The following MAGEL2 variants were observed in gnomAD, a reference collection of about 807,000 sequenced individuals.
The protein encoded by MAGEL2 is MAGE family member L2.
For missense variants in MAGEL2, 1,830 were observed against 1,699.2 expected, an observed-to-expected ratio of 1.08 and a Z score of -1.35; for synonymous variants, 792 against 721.7, an observed-to-expected ratio of 1.10 and a Z score of -1.56.
rs1890330345 is a variant in MAGEL2, at chr15:23,643,773, C to T, written c.*220G>A. 4.3e-6 allele frequency: 2 copies of T among 467,200 alleles called. No homozygotes were observed. The highest frequency in any genetic ancestry group is 7.8e-5 in the Admixed American group (2 of 25,724). The allele number at this position is 467,200 out of a possible 1,614,324, so 28.9% of individuals were successfully genotyped here. A position where few individuals can be genotyped will look rare whatever the true frequency, so the allele number is the denominator to read the frequency against. ...ACAAAACAGAGAACCACAGATCTCA[C>T]TTAAAAACACAGATGCCAAAATACA... On this transcript the variant is annotated 3_prime_UTR_variant, in exon 1 of 1. Transcript: ENST00000650528.
Position 23,645,104 on chromosome 15 carries a change from C to A in MAGEL2, c.2639G>T (p.Arg880Leu), listed in dbSNP as rs775947264. The A allele has an allele frequency of 6.2e-7, 1 of 1,613,830 alleles. No individual in the cohort carries two copies. Among genetic ancestry groups the A allele is most frequent in the East Asian group, 2.2e-5 (1 of 44,878 alleles). ...EASKTSVEPP[R>L]RSGKATRKKK... ...CTTCCGGGTGGCCTTGCCGGAGCGG[C>A]GTGGCGGCTCGACGGAGGTCTTGGA... Residue 880 changes from arginine (R) to leucine (L), a missense_variant, in exon 1 of 1, where the codon CGC becomes CTC. By Grantham distance (102) the Arg-to-Leu change is moderately radical. Transcript: ENST00000650528.
chr15:23,646,305 G>A lies in MAGEL2; in HGVS notation c.1438C>T (p.Arg480Cys), dbSNP rs1890401496. 5.1e-6 allele frequency: 7 copies of A among 1,370,098 alleles called. No homozygotes were observed. In the South Asian group the frequency reaches 5.4e-5, roughly 11 times the overall value. 84.9% of individuals were successfully genotyped at this position (1,370,098 alleles called of 1,614,324 possible). A position where few individuals can be genotyped will look rare whatever the true frequency, so the allele number is the denominator to read the frequency against. The stretch of plus-strand genomic sequence containing the variant: ...TGGCGGATCACAGGTGGAGCCTGGC[G>A]GATCACAGGTGGGGCCTGGCGGATC... ...PVIRQAPPVI[R>C]QAPPVIRQAP... The change falls in exon 1 of 1, where the codon CGC becomes TGC. Residue 480 changes from arginine (R) to cysteine (C), a missense_variant. Physicochemically the swap from Arg to Cys is radical, Grantham distance 180. Coordinates refer to ENST00000650528, the MANE Select transcript of MAGEL2 (RefSeq NM_019066.5). This position sits in a 1 kb window ranked among gnomAD's most constrained non-coding sequence, Gnocchi z 4.2.
Position 23,644,084 on chromosome 15 carries a change from A to G in MAGEL2, c.3659T>C (p.Leu1220Pro). 2 of 1,613,898 alleles carry G rather than the reference A, an allele frequency of 1.2e-6. No homozygotes were observed. The highest frequency in any genetic ancestry group is 1.7e-6 in the Non-Finnish European group (2 of 1,179,882). ...TGTGTCTTCCCACTCACACTCTGCG[A>G]GCGCTTCAAGGTAATGGAATGGCCA... ...QSWPFHYLEA[L>P]AECEWEDTDE... Residue 1220 changes from leucine to proline, a missense_variant, in exon 1 of 1, where the codon CTC (leucine) becomes CCC (proline). Physicochemically the swap from Leu to Pro is moderately conservative, Grantham distance 98. Transcript: ENST00000650528.
Position 23,645,560 on chromosome 15 carries a change from C to T in MAGEL2, c.2183G>A (p.Arg728His), listed in dbSNP as rs757610654. Residue 728 changes from arginine (R) to histidine (H), a missense_variant, in exon 1 of 1, where the codon CGC becomes CAC. Physicochemically the swap from Arg to His is conservative, Grantham distance 29. Coordinates refer to ENST00000650528, the MANE Select transcript of MAGEL2 (RefSeq NM_019066.5). ...CCTGCGCTCTTTAGAGGAGCCCCTG[C>T]GGTCTATAGAAGAGGCCCTGCATTC... ...SGECRASSID[R>H]RGSSKERRTS... 23 of 1,612,584 alleles carry T rather than the reference C, an allele frequency of 1.4e-5. No individual in the cohort carries two copies. The highest frequency in any genetic ancestry group is 2.2e-5 in the East Asian group (1 of 44,868).
Position 23,644,968 on chromosome 15 carries a change from T to G in MAGEL2, c.2775A>C (p.Gln925His). 2 of 1,613,786 alleles carry G rather than the reference T, an allele frequency of 1.2e-6. No homozygotes were observed. The highest frequency in any genetic ancestry group is 8.5e-7 in the Non-Finnish European group (1 of 1,179,880). ...AGTCACCCGAGACCTGGATAGGGCT[T>G]TGGACCTCCCAGTCACTCAGATTTA... ...ENLNLSDWEV[Q>H]SPIQVSGDWE... Residue 925 changes from glutamine (Q) to histidine (H), a missense_variant, in exon 1 of 1, where the codon CAA becomes CAC. Transcript: ENST00000650528.
chr15:23,646,546 TG>T lies in MAGEL2; in HGVS notation c.1196del (p.Pro399GlnfsTer38). ...GCGGCGGCACCTGCCAGGTAACGGC[TG>T]GTGCCTGCCAGGTGACCTGCGTGGT... ...WQTTQVTWQAPAVTWQVPPPM... is the reference protein window; with the variant it reads ...WQTTQVTWQAXAVTWQVPPPM... On this transcript the variant is annotated frameshift_variant, in exon 1 of 1. Coordinates refer to ENST00000650528, the MANE Select transcript of MAGEL2 (RefSeq NM_019066.5). LOFTEE classifies it low-confidence loss of function (END_TRUNC). This position sits in a 1 kb window ranked among gnomAD's most constrained non-coding sequence, Gnocchi z 4.2. 6.8e-7 allele frequency: 1 copy of T among 1,475,136 alleles called. No homozygotes were observed. The allele number at this position is 1,475,136 out of a possible 1,614,324, so 91.4% of individuals were successfully genotyped here. A position where few individuals can be genotyped will look rare whatever the true frequency, so the allele number is the denominator to read the frequency against.
rs1192285497 is a variant in MAGEL2 at position 23,647,529 on chromosome 15, G to C, written c.214C>G (p.Leu72Val). 1 of 1,531,876 alleles carries C rather than the reference G, an allele frequency of 6.5e-7. No individual in the cohort carries two copies. The highest frequency in any genetic ancestry group is 8.7e-7 in the Non-Finnish European group (1 of 1,145,132). 94.9% of individuals were successfully genotyped at this position (1,531,876 alleles called of 1,614,324 possible). A position where few individuals can be genotyped will look rare whatever the true frequency, so the allele number is the denominator to read the frequency against. The change falls in exon 1 of 1, where the codon CTG becomes GTG. Residue 72 changes from leucine to valine, a missense_variant. Leu to Val is a conservative substitution (Grantham distance 32). Coordinates refer to ENST00000650528, the MANE Select transcript of MAGEL2 (RefSeq NM_019066.5). ...QPAWEAPQGQ[L>V]PAPVVPMTQP... ...GTCATCGGAACCACCGGGGCGGGCA[G>C]CTGGCCCTGTGGGGCCTCCCAGGCA...
Position 23,645,745 on chromosome 15 carries a change from C to T in MAGEL2, c.1998G>A (p.Gln666=). The change falls in exon 1 of 1, where the codon CAG becomes CAA. Residue 666 remains glutamine (Q), a synonymous_variant. Coordinates refer to ENST00000650528, the MANE Select transcript of MAGEL2 (RefSeq NM_019066.5). ...CTTGCGGACCCGATGCCTGGGCCTG[C>T]TGGGGGGGTAGCTGGATTTGCACGG... ...QKAVQIQLPP[Q]QAQASGPQAE... 1 of 1,572,504 alleles carries T rather than the reference C, an allele frequency of 6.4e-7. No homozygotes were observed. The highest frequency in any genetic ancestry group is 1.2e-5 in the South Asian group (1 of 83,774).
At position 23,646,333 on chromosome 15, in the gene MAGEL2, A is replaced by G. The variant is rs1332010353; in HGVS notation, c.1410T>C (p.Pro470=). The G allele has an allele frequency of 1.3e-4, 172 of 1,343,792 alleles. 3 individuals are homozygous for G. The African/African-American group carries it at 2.6e-3, about 20-fold the overall frequency. 83.2% of individuals were successfully genotyped at this position (1,343,792 alleles called of 1,614,324 possible). ...QAPAVIRQAP[P]VIRQAPPVIR... is the part of the protein sequence containing the mutation. ...TCACAGGTGGGGCCTGGCGGATCAC[A>G]GGTGGGGCCTGGCGGATCACAGCGG... is the stretch of plus-strand genomic sequence containing the variant. The change falls in exon 1 of 1, where the codon CCT becomes CCC. Residue 470 remains proline (P), a synonymous_variant. Coordinates refer to ENST00000650528, the MANE Select transcript of MAGEL2 (RefSeq NM_019066.5). The surrounding 1 kb of genome is among the most constrained non-coding windows in gnomAD (Gnocchi z 4.2).
chr15:23,646,790 G>A lies in MAGEL2; in HGVS notation c.953C>T (p.Pro318Leu), dbSNP rs1010497967. Residue 318 changes from proline (P) to leucine (L), a missense_variant, in exon 1 of 1, where the codon CCG (proline) becomes CTG (leucine). Transcript: ENST00000650528. The surrounding 1 kb of genome is among the most constrained non-coding windows in gnomAD (Gnocchi z 4.2). Reference sequence around the variant, plus strand: ...CATCGGCTGTGCAGGTGGGGCCATCGGCTGTGCAGGTGGGGCCGCCGGCTG... The same window carrying A: ...CATCGGCTGTGCAGGTGGGGCCATCAGCTGTGCAGGTGGGGCCGCCGGCTG... ...MAQPAAPPAQ[P>L]MAPPAQPMAS... 1 of 1,535,746 alleles carries A rather than the reference G, an allele frequency of 6.5e-7. No individual in the cohort carries two copies.
At position 23,645,358 on chromosome 15, in the gene MAGEL2, C is replaced by G; in HGVS notation, c.2385G>C (p.Gln795His). Residue 795 changes from glutamine (Q) to histidine (H), a missense_variant, in exon 1 of 1, where the codon CAG (glutamine) becomes CAC (histidine). By Grantham distance (24) the Gln-to-His change is conservative. Transcript: ENST00000650528. ...PSSSVFPATS[Q>H]FQPASLNAFK... ...AGGCATTCAGAGAGGCAGGCTGAAA[C>G]TGGGAGGTAGCTGGGAAGACACTTG... 6.2e-7 allele frequency: 1 copy of G among 1,613,944 alleles called. No homozygotes were observed. The highest frequency in any genetic ancestry group is 8.5e-7 in the Non-Finnish European group (1 of 1,179,860).
chr15:23,647,288 G>C lies in MAGEL2; in HGVS notation c.455C>G (p.Pro152Arg). The change falls in exon 1 of 1, where the codon CCT (proline) becomes CGT (arginine). Residue 152 changes from proline to arginine, a missense_variant. By Grantham distance (103) the Pro-to-Arg change is moderately radical (BLOSUM62 -2). Transcript: ENST00000650528. ...GGCCATTGGGGTCCCCGGAGGGGGAGGGTGGGACATTGGGGTCCCCGGAGG... is the reference window on the plus strand; with the variant it reads ...GGCCATTGGGGTCCCCGGAGGGGGACGGTGGGACATTGGGGTCCCCGGAGG... ...PPPPGTPMSHPPPPGTPMAHP... is the reference protein window; with the variant it reads ...PPPPGTPMSHRPPPGTPMAHP... 1 of 1,535,604 alleles carries C rather than the reference G, an allele frequency of 6.5e-7. No homozygotes were observed. The highest frequency in any genetic ancestry group is 8.7e-7 in the Non-Finnish European group (1 of 1,146,262).
chr15:23,643,640 C>T lies in MAGEL2; in HGVS notation c.*353G>A, dbSNP rs1034418088. The T allele has an allele frequency of 5.1e-6, 1 of 194,214 alleles. No homozygotes were observed. Among genetic ancestry groups the T allele is most frequent in the African/African-American group, 2.3e-5 (1 of 43,064 alleles). The allele number at this position is 194,214 out of a possible 1,614,324, so 12.0% of individuals were successfully genotyped here. On this transcript the variant is annotated 3_prime_UTR_variant, in exon 1 of 1. Coordinates refer to ENST00000650528, the MANE Select transcript of MAGEL2 (RefSeq NM_019066.5). ...ATGAGTCATTTGAACGTTCAAAGAA[C>T]AACCGATTACAATGCTACATGAACT...
At position 23,645,562 on chromosome 15, in the gene MAGEL2, G is replaced by A. The variant is rs368499982; in HGVS notation, c.2181C>T (p.Asp727=). The stretch of plus-strand genomic sequence containing the variant: ...TGCGCTCTTTAGAGGAGCCCCTGCG[G>A]TCTATAGAAGAGGCCCTGCATTCTC... ...PSGECRASSI[D]RRGSSKERRT... is the part of the protein sequence containing the mutation. The change falls in exon 1 of 1, where the codon GAC becomes GAT. Residue 727 remains aspartate (D), a synonymous_variant. Coordinates refer to ENST00000650528, the MANE Select transcript of MAGEL2 (RefSeq NM_019066.5). The A allele has an allele frequency of 5.6e-6, 9 of 1,612,136 alleles. No homozygotes were observed. The highest frequency in any genetic ancestry group is 1.3e-5 in the African/African-American group (1 of 74,968).
Position 23,647,435 on chromosome 15 carries a change from G to A in MAGEL2, c.308C>T (p.Pro103Leu), listed in dbSNP as rs1424112549. 1 of 1,535,900 alleles carries A rather than the reference G, an allele frequency of 6.5e-7. No individual in the cohort carries two copies. The highest frequency in any genetic ancestry group is 2.4e-5 in the East Asian group (1 of 40,878). ...PPLGGPMGKP[P>L]TPGVLMVHPP... ...ATGCACCATCAGGACCCCGGGAGTC[G>A]GAGGCTTACCCATCGGGCCCCCCAG... The change falls in exon 1 of 1, where the codon CCG becomes CTG. Residue 103 changes from proline to leucine, a missense_variant. Transcript: ENST00000650528.
rs1251729902 is a variant in MAGEL2, at chr15:23,646,645, C to T, written c.1098G>A (p.Pro366=). The T allele has an allele frequency of 1.1e-5, 17 of 1,486,634 alleles. No homozygotes were observed. The highest frequency in any genetic ancestry group is 1.5e-5 in the Non-Finnish European group (17 of 1,122,304). The allele number at this position is 1,486,634 out of a possible 1,614,324, so 92.1% of individuals were successfully genotyped here. ...QAPPAQLATP[P]GWQATSPGWQ... Reference sequence around the variant, plus strand: ...ATCCTGGCGAGGTCGCCTGCCAGCCCGGGGGTGTGGCTAGCTGCGCTGGGG... The same window carrying T: ...ATCCTGGCGAGGTCGCCTGCCAGCCTGGGGGTGTGGCTAGCTGCGCTGGGG... Residue 366 remains proline, a synonymous_variant, in exon 1 of 1, where the codon CCG becomes CCA. Transcript: ENST00000650528. The surrounding 1 kb of genome is among the most constrained non-coding windows in gnomAD (Gnocchi z 4.2).
rs762486158 is a variant in MAGEL2 at position 23,644,529 on chromosome 15, C to T, written c.3214G>A (p.Ala1072Thr). 46 of 1,613,696 alleles carry T rather than the reference C, an allele frequency of 2.9e-5. No homozygotes were observed. The highest frequency in any genetic ancestry group is 3.6e-5 in the Non-Finnish European group (42 of 1,179,874). ...ATTTCTTTCAATTGATAACCAAAGG[C>T]ACACTCCAGCTTATTGTTGGCACGG... ...INRANNKLECAFGYQLKEIDT... is the reference protein window; with the variant it reads ...INRANNKLECTFGYQLKEIDT... Residue 1072 changes from alanine to threonine, a missense_variant, in exon 1 of 1, where the codon GCC becomes ACC. Coordinates refer to ENST00000650528, the MANE Select transcript of MAGEL2 (RefSeq NM_019066.5).
chr15:23,645,072 G>C lies in MAGEL2; in HGVS notation c.2671C>G (p.His891Asp). Residue 891 changes from histidine (H) to aspartate (D), a missense_variant, in exon 1 of 1, where the codon CAT becomes GAT. Physicochemically the swap from His to Asp is moderately conservative, Grantham distance 81. Coordinates refer to ENST00000650528, the MANE Select transcript of MAGEL2 (RefSeq NM_019066.5). The part of the protein sequence containing the change: ...RSGKATRKKK[H>D]LEAQEDSRGH... ...CGGCTGTCCTCTTGGGCTTCCAGAT[G>C]CTTCTTCTTCCGGGTGGCCTTGCCG... The C allele has an allele frequency of 6.2e-7, 1 of 1,613,816 alleles. No homozygotes were observed. Among genetic ancestry groups the C allele is most frequent in the East Asian group, 2.2e-5 (1 of 44,888 alleles).
At position 23,646,958 on chromosome 15, in the gene MAGEL2, G is replaced by T. The variant is rs1366908283; in HGVS notation, c.785C>A (p.Pro262Gln). 8.5e-6 allele frequency: 13 copies of T among 1,536,798 alleles called. No homozygotes were observed. The highest frequency in any genetic ancestry group is 1.4e-5 in the African/African-American group (1 of 73,040). Residue 262 changes from proline to glutamine, a missense_variant, in exon 1 of 1, where the codon CCG (proline) becomes CAG (glutamine). Transcript: ENST00000650528. The surrounding 1 kb of genome is among the most constrained non-coding windows in gnomAD (Gnocchi z 4.2). ...CTGGGTCATCATGGCTGCTGGAGGCGGCTGGACCATCGGTGCTCCCGGAGC... is the reference window on the plus strand; with the variant it reads ...CTGGGTCATCATGGCTGCTGGAGGCTGCTGGACCATCGGTGCTCCCGGAGC... ...PAAPGAPMVQ[P>Q]PPAAMMTQPQ...
Sources: allele counts gnomAD v4.1 joint callset, GRCh38; gene constraint gnomAD v4.1.1; non-coding constraint Gnocchi (gnomAD v3.1); transcripts MANE v1.5; gene names NCBI Gene and HGNC (gene_info 2026-07-23, HGNC 2026-07-21).